STAU2: variants seen among roughly 807,000 people sequenced by gnomAD.
STAU2 encodes staufen double-stranded RNA binding protein 2, also known as double-stranded RNA-binding protein Staufen homolog 2.
STAU2 carries 20 observed loss-of-function variants against 65.9 expected under a neutral mutation model. The ratio of observed to expected loss-of-function variants is 0.30; its 90% confidence interval spans 0.21 to 0.44. The LOEUF is 0.44. STAU2 is among the 20% of genes least tolerant of loss of function. The pLI, the probability that STAU2 is intolerant of heterozygous loss-of-function variation, is 1.00. For missense variants in STAU2, 558 were observed against 683.9 expected (o/e 0.82, Z 2.05); for synonymous variants, 232 against 233.9 (o/e 0.99, Z 0.07).
At chr8:73,672,168 A>G (rs1032121679) in intron 6 of STAU2, 2 of 152,238 alleles carry the variant, frequency 1.3e-5, no homozygotes, top group Admixed American at 1.3e-4. Context: ...CCAGCAATAA[A>G]AAAGGGCAAA....
At chr8:73,438,999 C>A (rs747408648) in intron 13 of STAU2, 5 of 456,622 alleles carry the variant, frequency 1.1e-5, no homozygotes, top group South Asian at 3.1e-5. Flanking sequence ...GGTTCCTCAA[C>A]GTCTCCGTTT....
At chr8:73,684,949 A>T (rs900816071) in intron 5 of STAU2, among the ~76,000 whole-genome samples, 1 of 152,190 alleles carries the variant, frequency 6.6e-6, no homozygotes, top group African/African-American at 2.4e-5. Context: ...CTCATCTTGA[A>T]TTGTAATCCC....
intron 13 of STAU2, among the ~76,000 whole-genome samples, chr8:73,499,539 G>A (rs755524138): frequency 1.4e-4 from 21 of 151,828 alleles, no homozygotes; most frequent in Non-Finnish European, 2.9e-4. Context: ...CTGAGCATAG[G>A]CCTTTGTATT....
chr8:73,593,721 G>A (rs545137328), intron 11 of STAU2, among the ~76,000 whole-genome samples: 12 of 152,182 alleles, frequency 7.9e-5, no homozygotes, highest in African/African-American at 2.4e-4. Context: ...ACCTCCCTGG[G>A]CAAGTGGGAA....
chr8:73,617,545 T>C (rs1229155791), intron 6 of STAU2, 94 bp from the exon 7 acceptor site: 1 of 1,219,186 alleles, frequency 8.2e-7, no homozygotes, highest in Non-Finnish European at 1.1e-6. Flanking sequence ...AATTATATAA[T>C]GTGCTATACT....
chr8:73,475,610 G>C (rs757012185), intron 13 of STAU2, among the ~76,000 whole-genome samples: 2 of 151,990 alleles, frequency 1.3e-5, no homozygotes, highest in Non-Finnish European at 2.9e-5. Flanking sequence ...CTATAAAAAC[G>C]GTCTATTGAA....
At chr8:73,453,872 CCT>C (rs1818930193) in intron 13 of STAU2, among the ~76,000 whole-genome samples, 1 of 151,800 alleles carries the variant, frequency 6.6e-6, no homozygotes, top group Admixed American at 6.6e-5. Context: ...TCAGTGTAGC[CCT>C]CTCTCTGTGA....
intron 13 of STAU2, among the ~76,000 whole-genome samples, chr8:73,444,615 C>T (rs1335171361): frequency 2.0e-5 from 3 of 152,026 alleles, no homozygotes; most frequent in African/African-American, 4.8e-5. Context: ...CTGTTCTATC[C>T]CCCCATGGTA....
intron 6 of STAU2, among the ~76,000 whole-genome samples, chr8:73,641,467 C>T (rs1814963625): frequency 6.6e-6 from 1 of 152,128 alleles, no homozygotes; most frequent in Non-Finnish European, 1.5e-5. Context: ...GTTGTGAAAA[C>T]TGTATTTTAA....
intron 6 of STAU2, among the ~76,000 whole-genome samples, chr8:73,620,422 C>T (rs1403659413): frequency 6.6e-6 from 1 of 152,110 alleles, no homozygotes; most frequent in Non-Finnish European, 1.5e-5. Context: ...TCACTAAGGC[C>T]TGCTGACAAT....
rs1813319805 is a variant in STAU2 at position 73,622,291 on chromosome 8, TA to T, written c.411-4841del. Among the ~76,000 whole-genome samples the T allele has an allele frequency of 4.9e-5, 5 of 101,422 alleles. No individual in the cohort carries two copies. The South Asian group carries it at 1.7e-3, about 34-fold the overall frequency. The allele number at this position is 101,422 out of a possible 152,430, so 66.5% of individuals were successfully genotyped here. Reference sequence around the variant, plus strand: ...ACAGGCGCCCGCCACCTCGCCCGGCTAATTTTTTGTATTTTTAGTAGAGACA... The same window carrying T: ...ACAGGCGCCCGCCACCTCGCCCGGCTATTTTTTGTATTTTTAGTAGAGACA... On this transcript the variant is annotated intron_variant, in intron 6 of 14. Transcript: ENST00000524300.
intron 13 of STAU2, among the ~76,000 whole-genome samples, chr8:73,471,309 A>G (rs769186125): frequency 6.6e-6 from 1 of 151,666 alleles, no homozygotes; most frequent in Non-Finnish European, 1.5e-5. Flanking sequence ...GGTAGCCAGG[A>G]CTACAGGCAC....
At chr8:73,608,902 C>A (rs1812234046) in intron 9 of STAU2, among the ~76,000 whole-genome samples, 2 of 152,058 alleles carry the variant, frequency 1.3e-5, no homozygotes, top group African/African-American at 2.4e-5. Context: ...CGCTTGAACC[C>A]AGGAGGCAGA....
intron 13 of STAU2, chr8:73,551,371 A>C (rs568334466): frequency 8.1e-5 from 80 of 987,112 alleles, no homozygotes; most frequent in Non-Finnish European, 8.7e-5. Context: ...AATTGTTGGT[A>C]CTATCTGAGG....
At chr8:73,574,596 T>C (rs1809368117) in intron 12 of STAU2, among the ~76,000 whole-genome samples, 1 of 152,228 alleles carries the variant, frequency 6.6e-6, no homozygotes, top group Non-Finnish European at 1.5e-5. Flanking sequence ...GATGACTTCA[T>C]GTCCTTTGTA....
At chr8:73,573,210 T>G (rs1809244929) in intron 12 of STAU2, among the ~76,000 whole-genome samples, 1 of 152,190 alleles carries the variant, frequency 6.6e-6, no homozygotes, top group Admixed American at 6.5e-5. Context: ...GTGAAGGACC[T>G]CTTCAAGGAG....
At chr8:73,532,875 A>C (rs1278529814) in intron 13 of STAU2, among the ~76,000 whole-genome samples, 1 of 152,164 alleles carries the variant, frequency 6.6e-6, no homozygotes, top group African/African-American at 2.4e-5. Flanking sequence ...TATGACCTGT[A>C]AGCCACGCAC....
intron 11 of STAU2, among the ~76,000 whole-genome samples, chr8:73,588,683 A>T (rs1175285788): frequency 1.3e-5 from 2 of 152,224 alleles, no homozygotes; most frequent in African/African-American, 4.8e-5. Flanking sequence ...TCTGAAGAGG[A>T]TTGAAAGCAA....
At chr8:73,428,404 T>A (rs933404225) in intron 13 of STAU2, among the ~76,000 whole-genome samples, 5 of 152,118 alleles carry the variant, frequency 3.3e-5, no homozygotes, top group Non-Finnish European at 7.3e-5. Context: ...ATCTTTGCTA[T>A]TGTGAATACT....
Sources: gnomAD v4.1 joint callset for allele counts (sites outside exome capture counted in the v4.1 genomes callset) on GRCh38, gnomAD v4.1.1 for gene constraint, MANE v1.5 for transcripts, NCBI Gene and HGNC (gene_info 2026-07-23, HGNC 2026-07-21) for gene names.